EML4: variants seen among roughly 807,000 people sequenced by gnomAD.
EML4 encodes EMAP like 4, also known as echinoderm microtubule-associated protein-like 4.
A neutral mutation model predicts 129.0 loss-of-function variants in EML4; 72 were observed. The observed-to-expected ratio is 0.56, with a 90% CI of 0.46 to 0.68. EML4 has a LOEUF of 0.68. Ranked by LOEUF, EML4 falls within the 30% of genes least tolerant of loss-of-function variation. EML4 has a pLI of 0.00. For missense variants in EML4, 1,363 were observed against 1,190.6 expected, an observed-to-expected ratio of 1.14 and a Z score of -2.13; for synonymous variants, 532 against 405.0, an observed-to-expected ratio of 1.31 and a Z score of -3.77.
At chr2:42,314,476 G>C (rs961039621) in intron 17 of EML4, among the ~76,000 whole-genome samples, 2 of 152,152 alleles carry the variant, frequency 1.3e-5, no homozygotes, top group Non-Finnish European at 2.9e-5. Context: ...ATCTACTCAG[G>C]TAAGAGAAAC....
chr2:42,222,317 T>C (rs935649966), intron 1 of EML4, among the ~76,000 whole-genome samples: 6 of 152,196 alleles, frequency 3.9e-5, no homozygotes, highest in South Asian at 2.1e-4. Context: ...TTTAGCACTT[T>C]ATGGCAAAAT....
intron 16 of EML4, among the ~76,000 whole-genome samples, chr2:42,304,134 A>AT (rs1387105354): frequency 1.3e-5 from 2 of 151,890 alleles, no homozygotes; most frequent in Admixed American, 6.6e-5. Context: ...CTCTTACTGT[A>AT]TTTTCTCTCT....
chr2:42,201,469 C>G (rs1672229788), intron 1 of EML4, among the ~76,000 whole-genome samples: 1 of 152,154 alleles, frequency 6.6e-6, no homozygotes, highest in South Asian at 2.1e-4. Flanking sequence ...AAGTATAACG[C>G]TTTCTGTGAT....
intron 1 of EML4, among the ~76,000 whole-genome samples, chr2:42,216,001 A>G (rs1673162578): frequency 6.6e-6 from 1 of 151,712 alleles, no homozygotes; most frequent in South Asian, 2.1e-4. Flanking sequence ...GCTCACTGCA[A>G]CCTCCACCTT....
intron 19 of EML4, among the ~76,000 whole-genome samples, chr2:42,318,900 C>T (rs891452782): frequency 6.6e-6 from 1 of 151,848 alleles, no homozygotes; most frequent in Non-Finnish European, 1.5e-5. Context: ...GAGCTGAGGT[C>T]TCCCTATGTT....
At chr2:42,274,497 C>T (rs1558564035) in intron 6 of EML4, among the ~76,000 whole-genome samples, 1 of 152,112 alleles carries the variant, frequency 6.6e-6, no homozygotes, top group African/African-American at 2.4e-5. Context: ...AAGAAAATCA[C>T]TGGAGCAACT....
chr2:42,277,097 A>C (rs79081325), intron 6 of EML4, among the ~76,000 whole-genome samples: 1 of 151,980 alleles, frequency 6.6e-6, no homozygotes, highest in Admixed American at 6.6e-5. Flanking sequence ...CCCCTTTGCT[A>C]TACCTACACT....
At position 42,330,282 on chromosome 2, in the gene EML4, CA is replaced by C. The variant is rs1257084775; in HGVS notation, c.*76del. 3 of 1,316,646 alleles carry C rather than the reference CA, an allele frequency of 2.3e-6. No individual in the cohort carries two copies. 81.6% of individuals were successfully genotyped at this position (1,316,646 alleles called of 1,614,324 possible). On this transcript the variant is annotated 3_prime_UTR_variant, in exon 23 of 23. Coordinates refer to ENST00000318522, the MANE Select transcript of EML4 (RefSeq NM_019063.5). ...GATAAAGTTCAGGTAACAGGATGGG[CA>C]GTGATGGAGAATCACTGTTGATTGA...
intron 18 of EML4, among the ~76,000 whole-genome samples, chr2:42,316,591 T>A (rs1015876517): frequency 6.6e-6 from 1 of 152,246 alleles, no homozygotes; most frequent in African/African-American, 2.4e-5. Context: ...ATTTGTACTT[T>A]ATTCACAATA....
intron 1 of EML4, among the ~76,000 whole-genome samples, chr2:42,189,912 G>T (rs1671486758): frequency 6.6e-6 from 1 of 151,494 alleles, no homozygotes; most frequent in African/African-American, 2.4e-5. Flanking sequence ...CCATTTCCTT[G>T]GTTACTAACA....
intron 19 of EML4, among the ~76,000 whole-genome samples, chr2:42,318,444 T>A (rs1211031424): frequency 6.6e-6 from 1 of 152,222 alleles, no homozygotes; most frequent in Non-Finnish European, 1.5e-5. Flanking sequence ...TTTGCATATT[T>A]TATACCATAT....
rs762208997 is a variant in EML4 at position 42,330,234 on chromosome 2, C to G, written c.*27C>G. The G allele has an allele frequency of 5.7e-6, 9 of 1,586,716 alleles. No individual in the cohort carries two copies. The Admixed American group carries it at 1.2e-4, about 21-fold the overall frequency. On this transcript the variant is annotated 3_prime_UTR_variant, in exon 23 of 23. Transcript: ENST00000318522. ...ACCCTGGCTTCAGTGCAACTCTTTT[C>G]CTTCAGCTGCATGTGATTTTGTGAT...
Position 42,263,244 on chromosome 2 carries a change from T to C in EML4, c.579T>C (p.Asn193=), listed in dbSNP as rs773409961. 21 of 1,613,408 alleles carry C rather than the reference T, an allele frequency of 1.3e-5. No homozygotes were observed. The highest frequency in any genetic ancestry group is 1.6e-5 in the Non-Finnish European group (19 of 1,179,806). ...NSWENSDDSR[N]KLSKIPSTPK... ...GGGAAAATTCAGATGATAGCCGTAA[T>C]AAATTGTCGAAAATACCTTCAACAC... Residue 193 remains asparagine (N), a synonymous_variant, in exon 5 of 23, where the codon AAT becomes AAC. Coordinates refer to ENST00000318522, the MANE Select transcript of EML4 (RefSeq NM_019063.5).
At chr2:42,178,726 C>A (rs1053490921) in intron 1 of EML4, among the ~76,000 whole-genome samples, 2 of 152,076 alleles carry the variant, frequency 1.3e-5, no homozygotes, top group African/African-American at 4.8e-5. Context: ...TGACTGGTTC[C>A]CCACTTATTT....
intron 21 of EML4, among the ~76,000 whole-genome samples, chr2:42,328,104 C>T (rs1409538688): frequency 6.6e-6 from 1 of 152,168 alleles, no homozygotes; most frequent in African/African-American, 2.4e-5. Flanking sequence ...TTAATGAAGA[C>T]ATTATTTATT....
At chr2:42,298,454 G>C (rs755829700) in intron 13 of EML4, among the ~76,000 whole-genome samples, 5 of 151,966 alleles carry the variant, frequency 3.3e-5, no homozygotes, top group Non-Finnish European at 7.4e-5. Flanking sequence ...AACATTATTT[G>C]GCAACTGAAA....
At chr2:42,229,483 G>C (rs952645871) in intron 1 of EML4, among the ~76,000 whole-genome samples, 1 of 152,138 alleles carries the variant, frequency 6.6e-6, no homozygotes, top group African/African-American at 2.4e-5. Flanking sequence ...AGTTATGTTA[G>C]TAAAATATTA....
Position 42,301,320 on chromosome 2 carries a change from A to G in EML4, c.1569A>G (p.Leu523=). 6.2e-7 allele frequency: 1 copy of G among 1,613,514 alleles called. No individual in the cohort carries two copies. Among genetic ancestry groups the G allele is most frequent in the Admixed American group, 1.7e-5 (1 of 59,970 alleles). The change falls in exon 14 of 23, where the codon TTA becomes TTG. Residue 523 remains leucine, a synonymous_variant. Coordinates refer to ENST00000318522, the MANE Select transcript of EML4 (RefSeq NM_019063.5). ...FTLCQMRNGM[L]LTGGGKDRKI... Reference sequence around the variant, plus strand: ...TTTGTCAGATGAGAAATGGGATGTTATTAACTGGAGGAGGGAAAGACAGAA... The same window carrying G: ...TTTGTCAGATGAGAAATGGGATGTTGTTAACTGGAGGAGGGAAAGACAGAA...
intron 9 of EML4, among the ~76,000 whole-genome samples, chr2:42,285,713 C>T (rs1054493746): frequency 6.6e-6 from 1 of 151,918 alleles, no homozygotes; most frequent in Admixed American, 6.6e-5. Flanking sequence ...ATTCACCTGC[C>T]TCAGCCTCCT....
Sources: gnomAD v4.1 joint callset for allele counts (sites outside exome capture counted in the v4.1 genomes callset) on GRCh38, gnomAD v4.1.1 for gene constraint, MANE v1.5 for transcripts, NCBI Gene and HGNC (gene_info 2026-07-23, HGNC 2026-07-21) for gene names.